ADAMTS17: variants seen among roughly 807,000 people sequenced by gnomAD.
ADAMTS17 encodes the protein ADAM metallopeptidase with thrombospondin type 1 motif 17.
A neutral mutation model predicts 141.5 loss-of-function variants in ADAMTS17; 113 were observed. The observed-to-expected ratio is 0.80, with a 90% CI of 0.69 to 0.93. The LOEUF (loss-of-function observed/expected upper bound fraction) is 0.93. ADAMTS17 is among the 40% of genes least tolerant of loss of function. The pLI, the probability that ADAMTS17 is intolerant of heterozygous loss-of-function variation, is 0.00. For synonymous variants in ADAMTS17, 768 were observed against 630.6 expected, an observed-to-expected ratio of 1.22 and a Z score of -3.27; for missense variants, 1,659 against 1,517.9, an observed-to-expected ratio of 1.09 and a Z score of -1.54.
intron 7 of ADAMTS17, among the ~76,000 whole-genome samples, chr15:100,219,470 T>C (rs1285264597): frequency 1.3e-5 from 2 of 152,178 alleles, no homozygotes; most frequent in Admixed American, 1.3e-4. Context: ...TCAAGAACAC[T>C]GAAGAACTTA....
At chr15:100,188,824 C>A (rs2040816188) in intron 8 of ADAMTS17, among the ~76,000 whole-genome samples, 1 of 152,188 alleles carries the variant, frequency 6.6e-6, no homozygotes, top group Admixed American at 6.5e-5. Context: ...AGGCAGCAAA[C>A]AAAGCATGGC....
chr15:100,113,057 G>A (rs535402077), intron 13 of ADAMTS17, among the ~76,000 whole-genome samples: 5 of 152,234 alleles, frequency 3.3e-5, no homozygotes, highest in African/African-American at 7.2e-5. Flanking sequence ...ACATGCTGAC[G>A]AGGCTACTCA....
chr15:100,176,806 T>G (rs1247967394), intron 8 of ADAMTS17, among the ~76,000 whole-genome samples: 1 of 152,226 alleles, frequency 6.6e-6, no homozygotes, highest in Admixed American at 6.5e-5. Context: ...CCACCACTAG[T>G]CTGCTCTCCA....
chr15:100,003,418 T>A (rs1386525571), intron 18 of ADAMTS17, among the ~76,000 whole-genome samples: 1 of 152,022 alleles, frequency 6.6e-6, no homozygotes, highest in Non-Finnish European at 1.5e-5. Flanking sequence ...GTTGGGGAAG[T>A]GATGTCTGAG....
chr15:100,085,905 A>G (rs1195520309), intron 15 of ADAMTS17, among the ~76,000 whole-genome samples: 2 of 152,182 alleles, frequency 1.3e-5, no homozygotes, highest in South Asian at 4.1e-4. Flanking sequence ...CCAAATTGTA[A>G]AGACCATCAA....
At chr15:100,099,383 A>G (rs112719310) in intron 14 of ADAMTS17, among the ~76,000 whole-genome samples, 5 of 152,342 alleles carry the variant, frequency 3.3e-5, no homozygotes, top group African/African-American at 1.2e-4. Flanking sequence ...ATCTTGGCAG[A>G]AACTGGGATG....
intron 12 of ADAMTS17, among the ~76,000 whole-genome samples, chr15:100,130,293 G>A (rs1364179729): frequency 6.6e-6 from 1 of 151,904 alleles, no homozygotes; most frequent in Non-Finnish European, 1.5e-5. Flanking sequence ...GAAGCAGGGA[G>A]GCGGAGGTTG....
At chr15:99,979,774 T>C (rs1175668804) in intron 20 of ADAMTS17, 4 of 152,234 alleles carry the variant, frequency 2.6e-5, no homozygotes, top group East Asian at 3.8e-4. Flanking sequence ...TAAGGCTCCA[T>C]TTTATAACAT....
At chr15:100,121,247 G>A (rs557854772) in intron 12 of ADAMTS17, among the ~76,000 whole-genome samples, 42 of 152,310 alleles carry the variant, frequency 2.8e-4, no homozygotes, top group East Asian at 1.2e-3. Context: ...GGTACTAAGC[G>A]AGTCTCAGGA....
At chr15:99,989,473 T>C (rs2060651269) in intron 20 of ADAMTS17, among the ~76,000 whole-genome samples, 1 of 152,232 alleles carries the variant, frequency 6.6e-6, no homozygotes, top group Non-Finnish European at 1.5e-5. Context: ...GAACACTCAG[T>C]GTCCAAACAA....
intron 10 of ADAMTS17, among the ~76,000 whole-genome samples, chr15:100,149,953 C>T (rs183903657): frequency 2.0e-5 from 3 of 152,362 alleles, no homozygotes; most frequent in African/African-American, 7.2e-5. Flanking sequence ...AGGACAATCA[C>T]CACTGACCAG....
intron 10 of ADAMTS17, among the ~76,000 whole-genome samples, chr15:100,135,939 G>A (rs911661774): frequency 2.0e-5 from 3 of 152,176 alleles, no homozygotes; most frequent in Non-Finnish European, 2.9e-5. Context: ...CGCTCATTGG[G>A]AACAATGGGG....
At chr15:100,228,123 G>C (rs1048374122) in intron 7 of ADAMTS17, among the ~76,000 whole-genome samples, 1 of 152,064 alleles carries the variant, frequency 6.6e-6, no homozygotes, top group South Asian at 2.1e-4. Context: ...ACTCTTTCTT[G>C]CTTCAAGGCT....
At chr15:100,278,027 T>C (rs756845898) in intron 4 of ADAMTS17, among the ~76,000 whole-genome samples, 12 of 152,158 alleles carry the variant, frequency 7.9e-5, no homozygotes, top group Non-Finnish European at 1.3e-4. Context: ...GTGACTGAAA[T>C]AAGCCATTTG....
intron 7 of ADAMTS17, among the ~76,000 whole-genome samples, chr15:100,250,561 G>C (rs1423525048): frequency 6.6e-6 from 1 of 152,216 alleles, no homozygotes; most frequent in Non-Finnish European, 1.5e-5. Context: ...GGGTGGCAGG[G>C]AGTGGCTCTC....
chr15:100,070,932 CA>C (rs1327876464), intron 15 of ADAMTS17, among the ~76,000 whole-genome samples: 6 of 150,016 alleles, frequency 4.0e-5, no homozygotes, highest in African/African-American at 1.5e-4. Flanking sequence ...AAAAACCCTT[CA>C]AAAAATCCAT....
At chr15:99,994,649 C>T (rs906459345) in intron 19 of ADAMTS17, among the ~76,000 whole-genome samples, 2 of 152,202 alleles carry the variant, frequency 1.3e-5, no homozygotes, top group Non-Finnish European at 2.9e-5. Flanking sequence ...TCACTGCAAC[C>T]TCCGCCTCCC....
intron 3 of ADAMTS17, among the ~76,000 whole-genome samples, chr15:100,330,540 G>A (rs1278564185): frequency 6.6e-6 from 1 of 152,180 alleles, no homozygotes; most frequent in African/African-American, 2.4e-5. Flanking sequence ...CGGGAGCACT[G>A]TATTATTAAG....
Position 99,973,564 on chromosome 15 carries a change from C to T in ADAMTS17, c.*838G>A, listed in dbSNP as rs1230548001. On this transcript the variant is annotated 3_prime_UTR_variant, in exon 22 of 22. Coordinates refer to ENST00000268070, the MANE Select transcript of ADAMTS17 (RefSeq NM_139057.4). Reference sequence around the variant, plus strand: ...CCCATCCGCCCCAGTGAAGCTGGCCCAAGCTTACCTTTGCCTTAGGAAGCA... The same window carrying T: ...CCCATCCGCCCCAGTGAAGCTGGCCTAAGCTTACCTTTGCCTTAGGAAGCA... 6.6e-6 allele frequency: 1 copy of T among 152,408 alleles called. No homozygotes were observed. The highest frequency in any genetic ancestry group is 2.4e-5 in the African/African-American group (1 of 41,458). The allele number at this position is 152,408 out of a possible 1,614,324, so 9.4% of individuals were successfully genotyped here. A position where few individuals can be genotyped will look rare whatever the true frequency, so the allele number is the denominator to read the frequency against.
Sources: allele counts gnomAD v4.1 joint callset (sites outside exome capture counted in the v4.1 genomes callset), GRCh38; gene constraint gnomAD v4.1.1; transcripts MANE v1.5; gene names NCBI Gene and HGNC (gene_info 2026-07-23, HGNC 2026-07-21).